The following SH2D4A variants were observed in gnomAD, a reference collection of about 807,000 sequenced individuals.
SH2D4A encodes SH2 domain-containing protein 4A.
Under a neutral mutation model 64.7 loss-of-function variants are expected in SH2D4A, and 70 were observed. That is an observed-to-expected ratio of 1.08 (90% CI 0.89 to 1.32). The LOEUF is 1.32. Among genes scored for constraint, SH2D4A ranks in the 40% most tolerant of loss-of-function variants. The pLI is 0.00. For synonymous variants in SH2D4A, 268 were observed against 200.7 expected, an observed-to-expected ratio of 1.34 and a Z score of -2.83; for missense variants, 706 against 540.1, an observed-to-expected ratio of 1.31 and a Z score of -3.04.
chr8:19,317,027 T>G (rs1331723868), intron 1 of SH2D4A, among the ~76,000 whole-genome samples: 5 of 152,124 alleles, frequency 3.3e-5, no homozygotes, highest in Admixed American at 6.5e-5. Context: ...GGTTTTAGAT[T>G]CTAGGATCTA....
intron 4 of SH2D4A, among the ~76,000 whole-genome samples, chr8:19,347,172 C>T (rs2052626441): frequency 6.6e-6 from 1 of 152,186 alleles, no homozygotes; most frequent in African/African-American, 2.4e-5. Context: ...ACAGCGAACA[C>T]GCAGAGTTAC....
chr8:19,342,883 G>A (rs1585161129), intron 4 of SH2D4A, among the ~76,000 whole-genome samples: 1 of 152,216 alleles, frequency 6.6e-6, no homozygotes, highest in East Asian at 1.9e-4. Context: ...TCAGGGAACA[G>A]TGGAGAAATA....
intron 2 of SH2D4A, 57 bp from the exon 3 acceptor site, chr8:19,332,898 T>C (rs950460930): frequency 2.6e-6 from 4 of 1,556,130 alleles, no homozygotes; most frequent in Non-Finnish European, 3.5e-6. Flanking sequence ...GAAACAGTAA[T>C]CTGTGACTAA....
chr8:19,350,274 A>G (rs1010661903), intron 4 of SH2D4A, among the ~76,000 whole-genome samples: 4 of 152,142 alleles, frequency 2.6e-5, no homozygotes, highest in African/African-American at 7.2e-5. Flanking sequence ...TGCTTTGCCC[A>G]AGCAACCTGC....
intron 4 of SH2D4A, among the ~76,000 whole-genome samples, chr8:19,351,305 T>C (rs1340255985): frequency 6.6e-6 from 1 of 152,184 alleles, no homozygotes; most frequent in Admixed American, 6.5e-5. Context: ...TCTTGATTAA[T>C]AGTGAAACTA....
At chr8:19,385,939 GCA>G (rs1397022404) in intron 8 of SH2D4A, among the ~76,000 whole-genome samples, 3 of 152,178 alleles carry the variant, frequency 2.0e-5, no homozygotes, top group Non-Finnish European at 2.9e-5. Flanking sequence ...TCTTCACTGA[GCA>G]CAGAGTAGTT....
At chr8:19,358,776 C>T (rs1585178993) in intron 5 of SH2D4A, among the ~76,000 whole-genome samples, 1 of 152,320 alleles carries the variant, frequency 6.6e-6, no homozygotes, top group East Asian at 1.9e-4. Context: ...CTTCCATCAA[C>T]AGGCTGGACA....
At chr8:19,354,713 A>G (rs555380210) in intron 4 of SH2D4A, among the ~76,000 whole-genome samples, 9 of 152,350 alleles carry the variant, frequency 5.9e-5, no homozygotes, top group African/African-American at 2.2e-4. Flanking sequence ...GGGATGGAGG[A>G]TAACTCACGC....
At chr8:19,376,160 G>A (rs2053192342) in intron 8 of SH2D4A, among the ~76,000 whole-genome samples, 1 of 152,136 alleles carries the variant, frequency 6.6e-6, no homozygotes, top group South Asian at 2.1e-4. Context: ...AGGGAAGGCT[G>A]GAGATGCGGG....
At chr8:19,367,060 A>AT (rs372964800) in intron 7 of SH2D4A, among the ~76,000 whole-genome samples, 8 of 148,110 alleles carry the variant, frequency 5.4e-5, no homozygotes, top group South Asian at 2.2e-4. Flanking sequence ...CTCACCAGCA[A>AT]TTTTTTTTAT....
At chr8:19,331,766 G>C (rs1237431475) in intron 2 of SH2D4A, among the ~76,000 whole-genome samples, 1 of 152,174 alleles carries the variant, frequency 6.6e-6, no homozygotes, top group African/African-American at 2.4e-5. Context: ...CCTGCCCACA[G>C]CAACCCTAGG....
intron 8 of SH2D4A, among the ~76,000 whole-genome samples, chr8:19,390,469 G>T (rs1277923431): frequency 1.3e-5 from 2 of 152,180 alleles, no homozygotes; most frequent in Non-Finnish European, 2.9e-5. Context: ...GAACCTCATT[G>T]CTTGGCAGTA....
intron 2 of SH2D4A, among the ~76,000 whole-genome samples, chr8:19,328,867 T>C (rs2052326072): frequency 6.6e-6 from 1 of 152,226 alleles, no homozygotes; most frequent in Admixed American, 6.5e-5. Flanking sequence ...AATTGATGTA[T>C]GCATGGTCTC....
intron 7 of SH2D4A, among the ~76,000 whole-genome samples, chr8:19,368,867 A>T (rs2053047615): frequency 6.6e-6 from 1 of 152,076 alleles, no homozygotes; most frequent in Admixed American, 6.6e-5. Context: ...TTTCAGTACT[A>T]TGTTGAATAA....
chr8:19,326,040 G>T (rs1382613096), intron 2 of SH2D4A, among the ~76,000 whole-genome samples: 1 of 152,148 alleles, frequency 6.6e-6, no homozygotes, highest in African/African-American at 2.4e-5. Context: ...CTTTTCAATT[G>T]CTCCATTTTC....
chr8:19,383,317 T>C (rs1343015803), intron 8 of SH2D4A, among the ~76,000 whole-genome samples: 1 of 152,088 alleles, frequency 6.6e-6, no homozygotes, highest in Non-Finnish European at 1.5e-5. Flanking sequence ...TTCTTCTCCC[T>C]GCTTAAATCT....
At chr8:19,372,106 C>A (rs2053111297) in intron 7 of SH2D4A, among the ~76,000 whole-genome samples, 1 of 152,172 alleles carries the variant, frequency 6.6e-6, no homozygotes, top group Admixed American at 6.5e-5. Flanking sequence ...GTGACAATAT[C>A]TGCACATTTA....
At chr8:19,366,977 T>C (rs1020872563) in intron 7 of SH2D4A, among the ~76,000 whole-genome samples, 2 of 152,254 alleles carry the variant, frequency 1.3e-5, no homozygotes, top group African/African-American at 4.8e-5. Flanking sequence ...AGGAACTTCA[T>C]ACCGTTGTTT....
In SH2D4A at chr8:19,357,265, G is replaced by A; in HGVS notation, c.576G>A (p.Lys192=). 4.3e-6 allele frequency: 7 copies of A among 1,613,692 alleles called. No individual in the cohort carries two copies. Among genetic ancestry groups the A allele is most frequent in the Non-Finnish European group, 5.9e-6 (7 of 1,179,610 alleles). Residue 192 remains lysine (K), a synonymous_variant, in exon 5 of 10, where the codon AAG becomes AAA. Coordinates refer to ENST00000265807, the MANE Select transcript of SH2D4A (RefSeq NM_022071.4). The part of the protein sequence containing the change: ...QMLADSINRM[K]AYAFHQKKES... The stretch of plus-strand genomic sequence containing the variant: ...TGGCAGATTCAATCAATCGTATGAA[G>A]GCATATGCATTTCACCAGGTAAAAG...
Sources: gnomAD v4.1 joint callset for allele counts (sites outside exome capture counted in the v4.1 genomes callset) on GRCh38, gnomAD v4.1.1 for gene constraint, MANE v1.5 for transcripts, NCBI Gene and HGNC (gene_info 2026-07-23, HGNC 2026-07-21) for gene names.